Variants in STX17 observed in about 807,000 individuals in gnomAD.
STX17 encodes the protein syntaxin 17, also known as syntaxin-17.
A neutral mutation model predicts 35.9 loss-of-function variants in STX17; 29 were observed. That is an observed-to-expected ratio of 0.81 (90% CI 0.60 to 1.10). STX17 has a LOEUF of 1.10. STX17 is among the 50% of genes least tolerant of loss of function. The pLI, the probability that STX17 is intolerant of heterozygous loss-of-function variation, is 0.00. For missense variants in STX17, 312 were observed against 352.3 expected (o/e 0.89, Z 0.92); for synonymous variants, 92 against 118.3 (o/e 0.78, Z 1.44).
At chr9:99,933,747 A>G (rs1440049505) in intron 3 of STX17, among the ~76,000 whole-genome samples, 1 of 152,182 alleles carries the variant, frequency 6.6e-6, no homozygotes, top group East Asian at 1.9e-4. Context: ...GCAGAAGTAA[A>G]GCTGCTTATT....
At chr9:99,953,786 G>A (rs900853135) in intron 4 of STX17, among the ~76,000 whole-genome samples, 3 of 152,086 alleles carry the variant, frequency 2.0e-5, no homozygotes, top group African/African-American at 7.2e-5. Flanking sequence ...CAAAAATTTG[G>A]AGTTCATCTG....
chr9:99,935,546 A>G (rs557594816), intron 3 of STX17, among the ~76,000 whole-genome samples: 1 of 152,302 alleles, frequency 6.6e-6, no homozygotes, highest in East Asian at 1.9e-4. Context: ...AAGCATTTGA[A>G]CATTTGCTGT....
intron 3 of STX17, among the ~76,000 whole-genome samples, chr9:99,943,294 C>T (rs369366643): frequency 2.1e-4 from 32 of 151,290 alleles, no homozygotes; most frequent in African/African-American, 6.3e-4. Flanking sequence ...CCACCTCGCC[C>T]GGCTGATTTT....
Position 99,928,845 on chromosome 9 carries a change from T to G in STX17, c.189+2T>G. On this transcript the variant is annotated splice_donor_variant, in intron 3 of 7. Transcript: ENST00000259400. LOFTEE classifies it high-confidence loss of function. Reference sequence around the variant, plus strand: ...ATCAATGCAGGACGTACAGTTCAGGTAAGGCTATTATATTTTTTCTGCTAA... The same window carrying G: ...ATCAATGCAGGACGTACAGTTCAGGGAAGGCTATTATATTTTTTCTGCTAA... The G allele has an allele frequency of 5.0e-6, 8 of 1,612,710 alleles. No homozygotes were observed. The highest frequency in any genetic ancestry group is 6.8e-6 in the Non-Finnish European group (8 of 1,179,122).
At position 99,971,710 on chromosome 9, in the gene STX17, A is replaced by G. The variant is rs1830018074; in HGVS notation, c.*3037A>G. On this transcript the variant is annotated 3_prime_UTR_variant, in exon 8 of 8. Coordinates refer to ENST00000259400, the MANE Select transcript of STX17 (RefSeq NM_017919.3). ...CAAAAACTTTTATGTCTCTCAGACT[A>G]TACAGCCTCTATACAAAATTGAGAT... Among the ~76,000 whole-genome samples, 1 of 152,312 alleles carries G rather than the reference A, an allele frequency of 6.6e-6. No homozygotes were observed. Among genetic ancestry groups the G allele is most frequent in the South Asian group, 2.1e-4 (1 of 4,830 alleles).
chr9:99,955,190 T>C (rs1043609422), intron 4 of STX17, among the ~76,000 whole-genome samples: 2 of 152,094 alleles, frequency 1.3e-5, no homozygotes, highest in Non-Finnish European at 2.9e-5. Context: ...CAGAATCTTA[T>C]TACATTTTAA....
chr9:99,965,281 A>C (rs1829892756), intron 6 of STX17, among the ~76,000 whole-genome samples: 1 of 152,232 alleles, frequency 6.6e-6, no homozygotes, highest in African/African-American at 2.4e-5. Flanking sequence ...TAATTTTTAA[A>C]AAGTCATAGA....
At chr9:99,958,531 T>A (rs557074610) in intron 4 of STX17, among the ~76,000 whole-genome samples, 1 of 152,294 alleles carries the variant, frequency 6.6e-6, no homozygotes, top group Non-Finnish European at 1.5e-5. Context: ...ATCACCTTAT[T>A]TTACAAATGA....
intron 3 of STX17, among the ~76,000 whole-genome samples, chr9:99,937,516 G>A (rs1037491247): frequency 6.6e-6 from 1 of 152,174 alleles, no homozygotes; most frequent in South Asian, 2.1e-4. Context: ...CTTAACAGCA[G>A]TGTCTAGTCT....
chr9:99,915,365 G>T lies in STX17; in HGVS notation c.123+3G>T. 1 of 1,583,358 alleles carries T rather than the reference G, an allele frequency of 6.3e-7. No homozygotes were observed. The highest frequency in any genetic ancestry group is 1.2e-5 in the South Asian group (1 of 85,464). On this transcript the variant is annotated splice_donor_region_variant and intron_variant, in intron 2 of 7. Transcript: ENST00000259400. ...AGCACCAGATAAATATTGAGAAGGTGAGCTGTTTCATTTACTACCACAAGA... is the reference window on the plus strand; with the variant it reads ...AGCACCAGATAAATATTGAGAAGGTTAGCTGTTTCATTTACTACCACAAGA...
chr9:99,958,822 A>C (rs146925301), intron 4 of STX17, among the ~76,000 whole-genome samples: 71 of 152,368 alleles, frequency 4.7e-4, no homozygotes, highest in African/African-American at 1.6e-3. Context: ...AGTGTGAATT[A>C]ATTCATCATC....
chr9:99,931,249 G>A (rs145303772), intron 3 of STX17, among the ~76,000 whole-genome samples: 17 of 152,278 alleles, frequency 1.1e-4, no homozygotes, highest in African/African-American at 4.1e-4. Context: ...AAAGTGCTGG[G>A]ATTACAGGCG....
chr9:99,909,482 C>G (rs1006209554), intron 1 of STX17, among the ~76,000 whole-genome samples: 1 of 152,168 alleles, frequency 6.6e-6, no homozygotes, highest in African/African-American at 2.4e-5. Flanking sequence ...TAAAGATAAT[C>G]TCTTTGTGGT....
At chr9:99,941,879 T>G (rs903534530) in intron 3 of STX17, among the ~76,000 whole-genome samples, 2 of 152,222 alleles carry the variant, frequency 1.3e-5, no homozygotes, top group East Asian at 1.9e-4. Flanking sequence ...CCATAGTGTT[T>G]CCATTCTGTG....
intron 2 of STX17, among the ~76,000 whole-genome samples, chr9:99,926,806 T>G (rs1320754690): frequency 1.3e-5 from 2 of 152,144 alleles, no homozygotes; most frequent in East Asian, 3.8e-4. Flanking sequence ...CCTTGAGTCT[T>G]TCTTTTAACC....
Position 99,974,059 on chromosome 9 carries a change from A to G in STX17, c.*5386A>G, listed in dbSNP as rs1249858016. ...GCTCTTGGACGAGCCTAAAACTTGT[A>G]TCCTGAAGAAAATATTTTTTTCCAC... On this transcript the variant is annotated 3_prime_UTR_variant, in exon 8 of 8. Coordinates refer to ENST00000259400, the MANE Select transcript of STX17 (RefSeq NM_017919.3). 6.6e-6 allele frequency among the ~76,000 whole-genome samples: 1 copy of G among 152,220 alleles called. No individual in the cohort carries two copies. Among genetic ancestry groups the G allele is most frequent in the Non-Finnish European group, 1.5e-5 (1 of 68,030 alleles).
chr9:99,952,794 A>G (rs1829629038), intron 4 of STX17, among the ~76,000 whole-genome samples: 1 of 150,032 alleles, frequency 6.7e-6, no homozygotes, highest in East Asian at 2.0e-4. Flanking sequence ...AAAACCAAAC[A>G]CTGCATGTTC....
chr9:99,929,773 T>C (rs1829074513), intron 3 of STX17: 1 of 151,918 alleles, frequency 6.6e-6, no homozygotes, highest in African/African-American at 2.4e-5. Context: ...TGAAATACAG[T>C]ACTAACTTTT....
At chr9:99,918,363 T>C (rs1417751585) in intron 2 of STX17, among the ~76,000 whole-genome samples, 1 of 152,184 alleles carries the variant, frequency 6.6e-6, no homozygotes, top group Non-Finnish European at 1.5e-5. Context: ...CTCAAAGCCC[T>C]GGCCTCAAGT....
Sources: gnomAD v4.1 joint callset for allele counts (sites outside exome capture counted in the v4.1 genomes callset) on GRCh38, gnomAD v4.1.1 for gene constraint, MANE v1.5 for transcripts, NCBI Gene and HGNC (gene_info 2026-07-23, HGNC 2026-07-21) for gene names.